ICA1L: variants seen among roughly 807,000 people sequenced by gnomAD.
The protein encoded by ICA1L is islet cell autoantigen 1 like.
A neutral mutation model predicts 61.3 loss-of-function variants in ICA1L; 50 were observed. The observed-to-expected ratio is 0.82, with a 90% CI of 0.65 to 1.03. The LOEUF (loss-of-function observed/expected upper bound fraction) is 1.03, where lower values mean the gene tolerates loss of function less well. Ranked by LOEUF, ICA1L falls within the 50% of genes least tolerant of loss-of-function variation. The pLI is 0.00. For missense variants in ICA1L, 508 were observed against 556.7 expected (o/e 0.91, Z 0.88); for synonymous variants, 161 against 191.3 (o/e 0.84, Z 1.31).
intron 11 of ICA1L, among the ~76,000 whole-genome samples, chr2:202,787,023 C>T (rs958915224): frequency 6.6e-6 from 1 of 152,188 alleles, no homozygotes; most frequent in Non-Finnish European, 1.5e-5. Flanking sequence ...CAGGGTTCCT[C>T]AAACACAGAT....
intron 1 of ICA1L, among the ~76,000 whole-genome samples, chr2:202,864,650 T>G (rs1687432948): frequency 6.6e-6 from 1 of 151,544 alleles, no homozygotes. Flanking sequence ...TGTGTGTGTA[T>G]ATATATATAT....
rs1182860136 is a variant in ICA1L at position 202,778,991 on chromosome 2, T to C, written c.*542A>G. ...TCTCTGTGATTTCATTAAAGCAAAC[T>C]GAGTTCTCAAATCTTACTCTCTCTA... On this transcript the variant is annotated 3_prime_UTR_variant, in exon 13 of 13. Coordinates refer to ENST00000358299, the MANE Select transcript of ICA1L (RefSeq NM_001288622.3). 2 of 152,500 alleles carry C rather than the reference T, an allele frequency of 1.3e-5. No homozygotes were observed. The highest frequency in any genetic ancestry group is 4.8e-5 in the African/African-American group (2 of 41,472). The allele number at this position is 152,500 out of a possible 1,614,324, so 9.4% of individuals were successfully genotyped here. A position where few individuals can be genotyped will look rare whatever the true frequency, so the allele number is the denominator to read the frequency against.
At chr2:202,811,636 TG>T in intron 9 of ICA1L, 109 bp downstream of exon 9, 1 of 707,412 alleles carries the variant, frequency 1.4e-6, no homozygotes, top group Non-Finnish European at 2.2e-6. Context: ...CACTCCAGCC[TG>T]GGGGACAGAG....
rs1489002787 is a variant in ICA1L, at chr2:202,819,616, AC to A, written c.558+84del. On this transcript the variant is annotated intron_variant, in intron 5 of 12. Transcript: ENST00000358299. ...TAATGAAACATATATTTACCAAAAA[AC>A]ATCTGAAATTTTATTATCTTAATTA... 1.7e-5 allele frequency: 18 copies of A among 1,084,632 alleles called. No homozygotes were observed. The Admixed American group carries it at 2.1e-4, about 13-fold the overall frequency. 67.2% of individuals were successfully genotyped at this position (1,084,632 alleles called of 1,614,324 possible). A position where few individuals can be genotyped will look rare whatever the true frequency, so the allele number is the denominator to read the frequency against.
Position 202,839,327 on chromosome 2 carries a change from C to T in ICA1L, c.-7-10311G>A, listed in dbSNP as rs577826754. On this transcript the variant is annotated intron_variant, in intron 1 of 12. Coordinates refer to ENST00000358299, the MANE Select transcript of ICA1L (RefSeq NM_001288622.3). ...CGTCCTGGCTAACAAGGTGAAACCC[C>T]GTCTCTACTAAAAATATAAAAATTA... Among the ~76,000 whole-genome samples the T allele has an allele frequency of 2.2e-4, 34 of 151,806 alleles. No individual in the cohort carries two copies. In the South Asian group the frequency reaches 3.6e-3, roughly 16 times the overall value.
rs1694569795 is a variant in ICA1L at position 202,849,914 on chromosome 2, G to T, written c.-7-20898C>A. 6.6e-6 allele frequency among the ~76,000 whole-genome samples: 1 copy of T among 152,154 alleles called. No homozygotes were observed. Among genetic ancestry groups the T allele is most frequent in the South Asian group, 2.1e-4 (1 of 4,830 alleles). The stretch of plus-strand genomic sequence containing the variant: ...ACAGGAGAGTTCCAGCTGGCATCAG[G>T]CTGGTGCCCCTCTGGAACAAAGCTT... On this transcript the variant is annotated intron_variant, in intron 1 of 12. Coordinates refer to ENST00000358299, the MANE Select transcript of ICA1L (RefSeq NM_001288622.3). The surrounding 1 kb of genome is among the most constrained non-coding windows in gnomAD (Gnocchi z 4.5).
chr2:202,779,705 G>A, intron 12 of ICA1L, 57 bp from the exon 13 acceptor site: 1 of 1,020,242 alleles, frequency 9.8e-7, no homozygotes. Context: ...TCATGTTTTT[G>A]TACCATATTT....
intron 2 of ICA1L, 22 bp downstream of exon 2, chr2:202,828,826 T>C: frequency 6.2e-7 from 1 of 1,605,084 alleles, no homozygotes; most frequent in African/African-American, 1.3e-5. Context: ...TTATATGCAA[T>C]ACATAGAATC....
intron 6 of ICA1L, 147 bp from the exon 7 acceptor site, chr2:202,816,156 A>C (rs887855877): frequency 5.5e-6 from 3 of 545,358 alleles, no homozygotes; most frequent in Non-Finnish European, 9.6e-6. Flanking sequence ...TTAGGGAACC[A>C]TAAAGCACTG....
intron 1 of ICA1L, among the ~76,000 whole-genome samples, chr2:202,838,797 C>T (rs970002303): frequency 6.6e-6 from 1 of 152,150 alleles, no homozygotes; most frequent in Non-Finnish European, 1.5e-5. Flanking sequence ...GCCGGTTGTA[C>T]AGGAAGTACG....
chr2:202,814,416 A>T lies in ICA1L; in HGVS notation c.866+286T>A, dbSNP rs187005264. On this transcript the variant is annotated intron_variant, in intron 8 of 12. Transcript: ENST00000358299. ...TGCTTCCCCTTTGACCTTTTCTGCCATGTTATGAAGCAGCACTAAAGCCCT... is the reference window on the plus strand; with the variant it reads ...TGCTTCCCCTTTGACCTTTTCTGCCTTGTTATGAAGCAGCACTAAAGCCCT... Among the ~76,000 whole-genome samples, 674 of 152,272 alleles carry T rather than the reference A, an allele frequency of 4.4e-3. 6 individuals carry two copies. The highest frequency in any genetic ancestry group is 0.015 in the African/African-American group (641 of 41,548).
At chr2:202,827,485 A>AT (rs1445046335) in intron 2 of ICA1L, among the ~76,000 whole-genome samples, 3 of 152,140 alleles carry the variant, frequency 2.0e-5, no homozygotes, top group African/African-American at 7.2e-5. Context: ...TTTATGTACT[A>AT]TTTTTATTTT....
intron 1 of ICA1L, among the ~76,000 whole-genome samples, chr2:202,858,688 C>T (rs1444493826): frequency 6.6e-6 from 1 of 152,150 alleles, no homozygotes; most frequent in East Asian, 1.9e-4. Context: ...AGAGAAAATC[C>T]TATTGCCTAG....
At chr2:202,793,142 C>T (rs553987780) in intron 10 of ICA1L, among the ~76,000 whole-genome samples, 2 of 152,056 alleles carry the variant, frequency 1.3e-5, no homozygotes, top group East Asian at 3.9e-4. Flanking sequence ...TTAAATTATA[C>T]CTAAATAGAG....
rs1365150642 is a variant in ICA1L at position 202,775,311 on chromosome 2, T to A, written c.*4222A>T. 1.3e-5 allele frequency: 2 copies of A among 152,196 alleles called. No homozygotes were observed. Among genetic ancestry groups the A allele is most frequent in the Admixed American group, 1.3e-4 (2 of 15,278 alleles). The allele number at this position is 152,196 out of a possible 1,614,324, so 9.4% of individuals were successfully genotyped here. On this transcript the variant is annotated 3_prime_UTR_variant, in exon 13 of 13. Coordinates refer to ENST00000358299, the MANE Select transcript of ICA1L (RefSeq NM_001288622.3). ...CAACACTATGGAAGACAAAAATAAC[T>A]GAATCAATTCTGGCTCTCTTCTTTT...
At chr2:202,808,015 G>A (rs372682752) in intron 9 of ICA1L, among the ~76,000 whole-genome samples, 1 of 152,318 alleles carries the variant, frequency 6.6e-6, no homozygotes, top group African/African-American at 2.4e-5. Flanking sequence ...CCAGGGCTGT[G>A]CCGGCTTCAG....
At chr2:202,863,019 C>T (rs376025977) in intron 1 of ICA1L, among the ~76,000 whole-genome samples, 1 of 150,646 alleles carries the variant, frequency 6.6e-6, no homozygotes, top group Non-Finnish European at 1.5e-5. Flanking sequence ...AAGGCTGGCA[C>T]GGTGGCTCAC....
At chr2:202,788,443 G>C (rs1343520179) in intron 11 of ICA1L, among the ~76,000 whole-genome samples, 1 of 152,168 alleles carries the variant, frequency 6.6e-6, no homozygotes, top group Non-Finnish European at 1.5e-5. Flanking sequence ...GCCTTGCCCA[G>C]AAAGGGAACC....
chr2:202,843,767 A>C (rs970490963), intron 1 of ICA1L, among the ~76,000 whole-genome samples: 1 of 152,216 alleles, frequency 6.6e-6, no homozygotes, highest in African/African-American at 2.4e-5. Flanking sequence ...GATTGGGGTA[A>C]AGCCAAGATC....
Sources: gnomAD v4.1 joint callset for allele counts (sites outside exome capture counted in the v4.1 genomes callset) on GRCh38, gnomAD v4.1.1 for gene constraint, Gnocchi (gnomAD v3.1) non-coding constraint, MANE v1.5 for transcripts, NCBI Gene and HGNC (gene_info 2026-07-23, HGNC 2026-07-21) for gene names.